TPD52: variants seen among roughly 807,000 people sequenced by gnomAD.
TPD52 encodes prostate and colon associated protein.
TPD52 carries 17 observed loss-of-function variants against 31.3 expected under a neutral mutation model. That is an observed-to-expected ratio of 0.54 (90% confidence interval 0.37 to 0.82). TPD52 has a LOEUF of 0.82. Ranked by LOEUF, TPD52 falls within the 40% of genes least tolerant of loss-of-function variation. TPD52 has a pLI of 0.00. For missense variants in TPD52, 212 were observed against 240.1 expected (o/e 0.88, Z 0.77); for synonymous variants, 83 against 89.6 (o/e 0.93, Z 0.42).
At chr8:80,080,402 A>G in intron 1 of TPD52, 1 of 1,614,178 alleles carries the variant, frequency 6.2e-7, no homozygotes, top group Non-Finnish European at 8.5e-7. Context: ...CCTGCATCAA[A>G]ATCAAACGGG....
At chr8:80,095,480 C>T (rs1816658576) in intron 1 of TPD52, among the ~76,000 whole-genome samples, 1 of 152,150 alleles carries the variant, frequency 6.6e-6, no homozygotes, top group Admixed American at 6.5e-5. Context: ...ATCCATTGAA[C>T]TGGACAACAC....
Position 80,105,637 on chromosome 8 carries a change from C to G in TPD52, c.20-41044G>C, listed in dbSNP as rs1398049158. Among the ~76,000 whole-genome samples the G allele has an allele frequency of 2.6e-5, 4 of 151,880 alleles. No homozygotes were observed. In the East Asian group the frequency reaches 7.7e-4, roughly 29 times the overall value. Reference sequence around the variant, plus strand: ...TAACTCAGTGTCTGAGGGGTTTTGTCTGCGGCTCGTCCTGCTACAAACCTT... The same window carrying G: ...TAACTCAGTGTCTGAGGGGTTTTGTGTGCGGCTCGTCCTGCTACAAACCTT... On this transcript the variant is annotated intron_variant, in intron 1 of 7. Transcript: ENST00000518937.
At chr8:80,114,137 GCTGA>G (rs1187714838) in intron 1 of TPD52, among the ~76,000 whole-genome samples, 2 of 152,224 alleles carry the variant, frequency 1.3e-5, no homozygotes, top group African/African-American at 4.8e-5. Context: ...TGCTCAGCAG[GCTGA>G]GGTGGGGGAA....
chr8:80,162,905 GAC>G, intron 1 of TPD52, among the ~76,000 whole-genome samples: 1 of 151,882 alleles, frequency 6.6e-6, no homozygotes, highest in South Asian at 2.1e-4. Context: ...CAGCCTGGGT[GAC>G]AGAGTGAGAC....
chr8:80,041,888 G>C (rs921301184), intron 7 of TPD52, among the ~76,000 whole-genome samples: 21 of 152,142 alleles, frequency 1.4e-4, no homozygotes. Context: ...AGGAGATGGA[G>C]ACCATTCTGG....
At chr8:80,118,173 G>A (rs1183200540) in intron 1 of TPD52, among the ~76,000 whole-genome samples, 3 of 152,174 alleles carry the variant, frequency 2.0e-5, no homozygotes, top group Non-Finnish European at 2.9e-5. Context: ...AAGGTTAATT[G>A]ATTTCTGACA....
intron 1 of TPD52, among the ~76,000 whole-genome samples, chr8:80,143,335 T>C (rs900479074): frequency 5.3e-5 from 8 of 152,234 alleles, no homozygotes; most frequent in African/African-American, 1.9e-4. Flanking sequence ...GTCATCTTTA[T>C]TTGCCTTTAC....
intron 1 of TPD52, among the ~76,000 whole-genome samples, chr8:80,097,588 A>G (rs916948792): frequency 6.6e-6 from 1 of 152,160 alleles, no homozygotes; most frequent in Non-Finnish European, 1.5e-5. Flanking sequence ...TGTTCCACCC[A>G]TCTAAGACGT....
intron 1 of TPD52, among the ~76,000 whole-genome samples, chr8:80,071,804 A>G (rs1205741632): frequency 6.6e-6 from 1 of 151,964 alleles, no homozygotes; most frequent in Non-Finnish European, 1.5e-5. Context: ...TGCCCCAACA[A>G]AGAGCTTTCT....
chr8:80,070,178 G>A lies in TPD52; in HGVS notation c.20-5585C>T, dbSNP rs142345357. 9.7e-3 allele frequency among the ~76,000 whole-genome samples: 1,473 copies of A among 152,094 alleles called. 12 individuals are homozygous for A. Among genetic ancestry groups the A allele is most frequent in the African/African-American group, 0.022 (913 of 41,498 alleles). On this transcript the variant is annotated intron_variant, in intron 1 of 7. Transcript: ENST00000518937. ...AGCCAAAAATAAGAGTTTGAGGAGC[G>A]CCTCTCTCTGCTTGGGTGCAGCCCC... is the stretch of plus-strand genomic sequence containing the variant.
chr8:80,171,418 C>G lies in TPD52; in HGVS notation c.19+7G>C. ...CGAGCCCAAGCCCGCTGGGTCCGCG[C>G]CCTCACCTTGCTCGCCGCGGTCCAT... On this transcript the variant is annotated splice_region_variant and intron_variant, in intron 1 of 7. Transcript: ENST00000518937. 6.3e-7 allele frequency: 1 copy of G among 1,596,490 alleles called. No homozygotes were observed. Among genetic ancestry groups the G allele is most frequent in the Non-Finnish European group, 8.5e-7 (1 of 1,177,920 alleles).
chr8:80,076,922 C>A (rs1814617259), intron 1 of TPD52, among the ~76,000 whole-genome samples: 1 of 152,184 alleles, frequency 6.6e-6, no homozygotes. Flanking sequence ...CCGCCTCAGA[C>A]TCCCAAAGTG....
At chr8:80,153,683 A>G (rs912234803) in intron 1 of TPD52, among the ~76,000 whole-genome samples, 6 of 152,202 alleles carry the variant, frequency 3.9e-5, no homozygotes, top group African/African-American at 1.2e-4. Context: ...AGCTCTCTAT[A>G]TTATGGAGAG....
intron 1 of TPD52, among the ~76,000 whole-genome samples, chr8:80,127,194 A>T (rs1808678567): frequency 6.6e-6 from 1 of 152,234 alleles, no homozygotes. Context: ...CTGTCAAACA[A>T]TCAATTGACT....
chr8:80,148,158 A>AT (rs59745938), intron 1 of TPD52, among the ~76,000 whole-genome samples: 77 of 149,708 alleles, frequency 5.1e-4, no homozygotes, highest in African/African-American at 1.7e-3. Flanking sequence ...CCACTTCTAA[A>AT]TTTTTTTTTT....
rs1430429898 is a variant in TPD52, at chr8:80,037,894, T to A, written c.*222A>T. The A allele has an allele frequency of 1.3e-5, 6 of 466,896 alleles. No homozygotes were observed. The highest frequency in any genetic ancestry group is 2.2e-5 in the Non-Finnish European group (6 of 269,624). 28.9% of individuals were successfully genotyped at this position (466,896 alleles called of 1,614,324 possible). A position where few individuals can be genotyped will look rare whatever the true frequency, so the allele number is the denominator to read the frequency against. On this transcript the variant is annotated 3_prime_UTR_variant, in exon 8 of 8. Coordinates refer to ENST00000518937, the MANE Select transcript of TPD52 (RefSeq NM_001025253.3). ...ACTATAAGTGTTTTTATAATGGTGT[T>A]TCCTAAATAAAGGAACATAAATGTA...
intron 1 of TPD52, among the ~76,000 whole-genome samples, chr8:80,134,872 A>G (rs953590092): frequency 2.0e-5 from 3 of 152,182 alleles, no homozygotes; most frequent in Non-Finnish European, 4.4e-5. Context: ...CTGACATAAT[A>G]AATATTTGTT....
intron 1 of TPD52, chr8:80,080,641 T>C: frequency 4.5e-6 from 6 of 1,329,196 alleles, no homozygotes; most frequent in Non-Finnish European, 5.8e-6. Context: ...CCCCTCCTGA[T>C]AAGCAGACCT....
intron 1 of TPD52, among the ~76,000 whole-genome samples, chr8:80,169,978 A>AAT (rs1811967455): frequency 1.3e-5 from 2 of 152,170 alleles, no homozygotes; most frequent in Non-Finnish European, 2.9e-5. Context: ...GGTAATGTAT[A>AAT]ATATATATAT....
Sources: allele counts gnomAD v4.1 joint callset (sites outside exome capture counted in the v4.1 genomes callset), GRCh38; gene constraint gnomAD v4.1.1; transcripts MANE v1.5; gene names NCBI Gene and HGNC (gene_info 2026-07-23, HGNC 2026-07-21).